PASD1: variants seen among roughly 807,000 people sequenced by gnomAD.
PASD1 encodes PAS domain containing repressor 1.
PASD1 carries 13 observed loss-of-function variants against 58.8 expected under a neutral mutation model. The observed-to-expected ratio is 0.22, with a 90% confidence interval of 0.14 to 0.35. PASD1 has a LOEUF of 0.35. PASD1 is among the 10% of genes least tolerant of loss of function. PASD1 has a pLI of 1.00. For synonymous variants in PASD1, 236 were observed against 216.7 expected, an observed-to-expected ratio of 1.09 and a Z score of -0.78; for missense variants, 734 against 568.3, an observed-to-expected ratio of 1.29 and a Z score of -2.96.
At chrX:151,592,079 C>A (rs1751619148) in intron 1 of PASD1, among the ~76,000 whole-genome samples, 1 of 112,013 alleles carries the variant, frequency 8.9e-6, no homozygotes, top group African/African-American at 3.2e-5. Flanking sequence ...GTCTAGTAGG[C>A]ACACCCTTTA....
At chrX:151,604,969 T>C (rs1482813974) in intron 3 of PASD1, among the ~76,000 whole-genome samples, 1 of 112,028 alleles carries the variant, frequency 8.9e-6, no homozygotes, top group African/African-American at 3.2e-5. Flanking sequence ...AACCACTGAT[T>C]TTGAGTGACA....
chrX:151,642,470 A>G (rs1207527154), intron 8 of PASD1, among the ~76,000 whole-genome samples: 1 of 112,175 alleles, frequency 8.9e-6, no homozygotes, highest in Non-Finnish European at 1.9e-5. Flanking sequence ...CATTTTAAGG[A>G]ATGTTTAATT....
rs199961228 is a variant in PASD1, at chrX:151,664,197, C to T, written c.920C>T (p.Ser307Leu). The T allele has an allele frequency of 3.1e-5, 37 of 1,209,468 alleles. No individual in the cohort carries two copies. Among genetic ancestry groups the T allele is most frequent in the East Asian group, 2.4e-4 (8 of 33,722 alleles). Residue 307 changes from serine to leucine, a missense_variant, in exon 11 of 16, where the codon TCG becomes TTG. Physicochemically the swap from Ser to Leu is moderately radical, Grantham distance 145. Transcript: ENST00000370357. ...YRADPVDLEF[S>L]VDQVDSVDQE... is the part of the protein sequence containing the mutation. ...GCAGACCCAGTGGACCTGGAGTTCTCGGTGGATCAGGTGGACTCAGTGGAC... is the reference window on the plus strand; with the variant it reads ...GCAGACCCAGTGGACCTGGAGTTCTTGGTGGATCAGGTGGACTCAGTGGAC...
chrX:151,663,153 C>T (rs1477304874), intron 10 of PASD1, among the ~76,000 whole-genome samples: 1 of 111,798 alleles, frequency 8.9e-6, no homozygotes, highest in Non-Finnish European at 1.9e-5. Context: ...CACCACAGTA[C>T]CAAACAGAAT....
At chrX:151,669,623 CAT>C (rs1427013880) in intron 11 of PASD1, among the ~76,000 whole-genome samples, 1 of 111,337 alleles carries the variant, frequency 9.0e-6, no homozygotes, top group African/African-American at 3.3e-5. Context: ...TTAACTTTCA[CAT>C]ATGAGTGAGA....
chrX:151,620,873 A>G (rs973494301), intron 4 of PASD1, 57 bp from the exon 5 acceptor site: 6 of 895,483 alleles, frequency 6.7e-6, no homozygotes, highest in African/African-American at 2.0e-5. Flanking sequence ...AAAAAAGTTT[A>G]CTCTCTCCCT....
chrX:151,654,488 C>T (rs2014211171), intron 9 of PASD1, among the ~76,000 whole-genome samples: 2 of 111,007 alleles, frequency 1.8e-5, no homozygotes, highest in African/African-American at 6.6e-5. Flanking sequence ...TGAAGTACAC[C>T]CAAAGTTAAG....
chrX:151,630,724 A>G (rs2013856463), intron 8 of PASD1, among the ~76,000 whole-genome samples: 1 of 113,011 alleles, frequency 8.8e-6, no homozygotes, highest in Non-Finnish European at 1.9e-5. Flanking sequence ...TTTAAGATTA[A>G]GAAGCATCCT....
chrX:151,629,309 G>A (rs12863204), intron 8 of PASD1, among the ~76,000 whole-genome samples: 23,819 of 109,511 alleles, frequency 0.22, 2,113 homozygotes, highest in Non-Finnish European at 0.27. Flanking sequence ...TAGTAGGGAC[G>A]GGGTTTCACC....
intron 4 of PASD1, among the ~76,000 whole-genome samples, chrX:151,612,470 C>T (rs2013577774): frequency 9.1e-6 from 1 of 109,854 alleles, no homozygotes; most frequent in Non-Finnish European, 1.9e-5. Flanking sequence ...ACATCCTCTC[C>T]AGCACCTGTC....
chrX:151,628,432 A>C (rs1408064423), intron 8 of PASD1, among the ~76,000 whole-genome samples: 2 of 112,268 alleles, frequency 1.8e-5, no homozygotes, highest in Admixed American at 9.4e-5. Context: ...ATGTCTAGCC[A>C]GTTTTCCCAG....
At chrX:151,669,395 C>G (rs1334621839) in intron 11 of PASD1, among the ~76,000 whole-genome samples, 3 of 109,931 alleles carry the variant, frequency 2.7e-5, no homozygotes, top group African/African-American at 9.9e-5. Flanking sequence ...TTTGTTTTTT[C>G]TTTGTGTTGG....
At chrX:151,571,472 A>G (rs913613560) in intron 1 of PASD1, among the ~76,000 whole-genome samples, 3 of 110,756 alleles carry the variant, frequency 2.7e-5, no homozygotes, top group Admixed American at 9.6e-5. Context: ...CCAAGGTCTT[A>G]TCTTCTTTTC....
chrX:151,580,179 C>T (rs994089863), intron 1 of PASD1, among the ~76,000 whole-genome samples: 4 of 111,934 alleles, frequency 3.6e-5, no homozygotes, highest in African/African-American at 9.7e-5. Context: ...AAATTTTGAC[C>T]TTGTATTCTA....
intron 10 of PASD1, among the ~76,000 whole-genome samples, chrX:151,660,452 C>G (rs1297280246): frequency 1.1e-4 from 12 of 111,813 alleles, no homozygotes; most frequent in Non-Finnish European, 2.3e-4. Flanking sequence ...TTAGTATCTC[C>G]AACTTTTAAA....
intron 4 of PASD1, among the ~76,000 whole-genome samples, chrX:151,614,236 C>T (rs1286007872): frequency 9.0e-6 from 1 of 111,416 alleles, no homozygotes; most frequent in Admixed American, 9.5e-5. Flanking sequence ...CCGCCCATCT[C>T]GGCCTCCCAA....
intron 1 of PASD1, among the ~76,000 whole-genome samples, chrX:151,566,537 G>A (rs2012845091): frequency 9.0e-6 from 1 of 111,633 alleles, no homozygotes; most frequent in African/African-American, 3.3e-5. Flanking sequence ...TTGAGGAGTT[G>A]CCTTTCATTT....
chrX:151,604,668 T>C lies in PASD1; in HGVS notation c.51T>C (p.Ser17=). The C allele has an allele frequency of 8.3e-7, 1 of 1,207,005 alleles. No homozygotes were observed. Among genetic ancestry groups the C allele is most frequent in the Non-Finnish European group, 1.1e-6 (1 of 892,197 alleles). Residue 17 remains serine (S), a synonymous_variant, in exon 3 of 16, where the codon TCT becomes TCC. Coordinates refer to ENST00000370357, the MANE Select transcript of PASD1 (RefSeq NM_173493.3). ...AAGACAAAGTCAATCCAAAAAGCTC[T>C]CAAAGGAAATTAAACTGGATTCCAT... ...KRRDKVNPKS[S]QRKLNWIPSF...
At chrX:151,564,042 G>T (rs751377960) in intron 1 of PASD1, among the ~76,000 whole-genome samples, 7 of 112,553 alleles carry the variant, frequency 6.2e-5, no homozygotes, top group Non-Finnish European at 3.8e-5. Context: ...GCGGGTAGCT[G>T]GGGGTTACAC....
Sources: gnomAD v4.1 joint callset for allele counts (sites outside exome capture counted in the v4.1 genomes callset) on GRCh38, gnomAD v4.1.1 for gene constraint, MANE v1.5 for transcripts, NCBI Gene and HGNC (gene_info 2026-07-23, HGNC 2026-07-21) for gene names.